Variants in ZFHX3 observed in about 807,000 individuals in gnomAD.
The protein encoded by ZFHX3 is zinc finger homeobox protein 3.
A neutral mutation model predicts 279.1 loss-of-function variants in ZFHX3; 42 were observed. That is an observed-to-expected ratio of 0.15 (90% CI 0.12 to 0.19). The LOEUF is 0.19. Among genes scored for constraint, ZFHX3 ranks in the 10% least tolerant of loss-of-function variants. ZFHX3 has a pLI of 1.00. For synonymous variants in ZFHX3, 2,293 were observed against 1,957.8 expected (o/e 1.17, Z -4.52); for missense variants, 4,981 against 4,754.0 (o/e 1.05, Z -1.40).
At chr16:73,703,416 T>C (rs1042047780) in intron 1 of ZFHX3, among the ~76,000 whole-genome samples, 2 of 151,894 alleles carry the variant, frequency 1.3e-5, no homozygotes, top group African/African-American at 4.8e-5. Context: ...AGGATATATA[T>C]TAATTAGCCA....
At chr16:72,927,221 A>C (rs759831447) in intron 3 of ZFHX3, among the ~76,000 whole-genome samples, 1 of 152,260 alleles carries the variant, frequency 6.6e-6, no homozygotes, top group Non-Finnish European at 1.5e-5. Flanking sequence ...ATTTTTAAAC[A>C]GTAGTAAAAA....
intron 4 of ZFHX3, among the ~76,000 whole-genome samples, chr16:73,261,432 T>G (rs1203570509): frequency 6.6e-6 from 1 of 152,110 alleles, no homozygotes; most frequent in Admixed American, 6.5e-5. Context: ...AAGATGATGT[T>G]TACTATGAAC....
At chr16:72,804,008 C>G (rs2036191496) in intron 7 of ZFHX3, among the ~76,000 whole-genome samples, 1 of 152,224 alleles carries the variant, frequency 6.6e-6, no homozygotes, top group Admixed American at 6.5e-5. Flanking sequence ...CATCAGCTGA[C>G]TGGGGTGCAG....
chr16:73,358,707 T>G (rs992171011), intron 3 of ZFHX3, among the ~76,000 whole-genome samples: 7 of 152,202 alleles, frequency 4.6e-5, no homozygotes, highest in Admixed American at 3.9e-4. Flanking sequence ...GGGACAATTT[T>G]GCAACAGATA....
chr16:73,277,339 A>G (rs1031807068), intron 4 of ZFHX3, among the ~76,000 whole-genome samples: 1 of 152,216 alleles, frequency 6.6e-6, no homozygotes, highest in African/African-American at 2.4e-5. Context: ...CTCAGATGAC[A>G]AATCATTCTC....
intron 1 of ZFHX3, among the ~76,000 whole-genome samples, chr16:73,797,414 C>G (rs395809): frequency 0.45 from 69,100 of 152,004 alleles, 17,405 homozygotes; most frequent in African/African-American, 0.68. Flanking sequence ...TGGAACTGCA[C>G]AAAGCAACAA....
chr16:73,776,503 G>A (rs773177828), intron 1 of ZFHX3, among the ~76,000 whole-genome samples: 153 of 152,260 alleles, frequency 1.0e-3, no homozygotes, highest in Non-Finnish European at 1.9e-3. Context: ...CGACGACAGG[G>A]AGTAGCAATA....
rs1555498881 is a variant in ZFHX3 at position 73,104,221 on chromosome 16, G to GTATTTATT, written c.-896-10631_-896-10624dup. On this transcript the variant is annotated intron_variant, in intron 7 of 17. Coordinates refer to the ZFHX3 transcript ENST00000641206. ...TGTGCTCCCTATGGATTTATTTTAT[G>GTATTTATT]TATTTATTTATTTATTTTATTTTTT... Among the ~76,000 whole-genome samples the GTATTTATT allele has an allele frequency of 5.9e-3, 893 of 151,620 alleles. 9 individuals carry two copies. The highest frequency in any genetic ancestry group is 0.011 in the African/African-American group (460 of 41,284).
intron 8 of ZFHX3, among the ~76,000 whole-genome samples, chr16:73,084,758 G>A (rs892498316): frequency 1.3e-4 from 19 of 151,986 alleles, no homozygotes; most frequent in African/African-American, 4.3e-4. Flanking sequence ...CTGGCCTCGT[G>A]ATCCGCCCAC....
chr16:73,830,475 T>C (rs1960965168), intron 1 of ZFHX3, among the ~76,000 whole-genome samples: 1 of 152,200 alleles, frequency 6.6e-6, no homozygotes, highest in Admixed American at 6.5e-5. Flanking sequence ...GGGTTAACTG[T>C]GGCAAGCTAG....
chr16:73,189,451 G>A (rs1054727352), intron 5 of ZFHX3, among the ~76,000 whole-genome samples: 1 of 152,200 alleles, frequency 6.6e-6, no homozygotes, highest in African/African-American at 2.4e-5. Flanking sequence ...GGAACGAGCC[G>A]GCACTGGACC....
chr16:73,854,378 T>C (rs1164928074), intron 1 of ZFHX3, among the ~76,000 whole-genome samples: 1 of 151,838 alleles, frequency 6.6e-6, no homozygotes, highest in South Asian at 2.1e-4. Flanking sequence ...AATACAAAAA[T>C]TAGCTGGGCG....
chr16:72,846,968 T>A (rs191986715), intron 4 of ZFHX3, among the ~76,000 whole-genome samples: 1 of 152,062 alleles, frequency 6.6e-6, no homozygotes, highest in Non-Finnish European at 1.5e-5. Context: ...CTCTGAAGCC[T>A]CTCCCTGAGA....
At chr16:73,808,957 C>T (rs1450584092) in intron 1 of ZFHX3, among the ~76,000 whole-genome samples, 1 of 152,192 alleles carries the variant, frequency 6.6e-6, no homozygotes, top group Non-Finnish European at 1.5e-5. Context: ...GCATTGATAA[C>T]AGTTGATTAC....
At chr16:73,027,550 C>T (rs1264683077) in intron 1 of ZFHX3, among the ~76,000 whole-genome samples, 1 of 152,206 alleles carries the variant, frequency 6.6e-6, no homozygotes, top group Non-Finnish European at 1.5e-5. Context: ...AACGCATGCT[C>T]TAGCCACAGC....
chr16:73,059,331 AAACAC>A (rs1660874664), exon 1 of ZFHX3: 1 of 96,866 alleles, frequency 1.0e-5, no homozygotes, highest in African/African-American at 3.9e-5. Flanking sequence ...CATGTATTAA[AAACAC>A]ACACACACAC....
At chr16:73,830,237 G>A (rs1474646049) in intron 1 of ZFHX3, among the ~76,000 whole-genome samples, 1 of 140,710 alleles carries the variant, frequency 7.1e-6, no homozygotes, top group Non-Finnish European at 1.5e-5. Flanking sequence ...CTTCCCAGGT[G>A]AGGCAATGCC....
intron 5 of ZFHX3, among the ~76,000 whole-genome samples, chr16:73,156,823 C>T (rs1967096965): frequency 1.3e-5 from 2 of 152,052 alleles, no homozygotes; most frequent in South Asian, 2.1e-4. Flanking sequence ...AAGTGATTCT[C>T]CTGCCTTAGC....
chr16:72,859,807 T>C (rs1169387710), intron 4 of ZFHX3, among the ~76,000 whole-genome samples: 2 of 152,066 alleles, frequency 1.3e-5, no homozygotes, highest in African/African-American at 2.4e-5. Flanking sequence ...GGTAATGGCC[T>C]TAAGAACACA....
Sources: gnomAD v4.1 joint callset for allele counts (sites outside exome capture counted in the v4.1 genomes callset) on GRCh38, gnomAD v4.1.1 for gene constraint, MANE v1.5 for transcripts, NCBI Gene and HGNC (gene_info 2026-07-23, HGNC 2026-07-21) for gene names.